Variants in CSMD1 observed in about 807,000 individuals in gnomAD.
CSMD1 encodes the protein CUB and Sushi multiple domains 1, also known as CUB and sushi domain-containing protein 1.
Under a neutral mutation model 417.5 loss-of-function variants are expected in CSMD1, and 213 were observed. That is an observed-to-expected ratio of 0.51 (90% CI 0.46 to 0.57). CSMD1 has a LOEUF of 0.57. CSMD1 is among the 20% of genes least tolerant of loss of function. CSMD1 has a pLI of 0.00. For synonymous variants in CSMD1, 2,862 were observed against 1,736.8 expected (o/e 1.65, Z -16.11); for missense variants, 6,923 against 4,529.7 (o/e 1.53, Z -15.17).
chr8:4,284,999 T>C (rs1472733205), intron 3 of CSMD1, among the ~76,000 whole-genome samples: 2 of 152,176 alleles, frequency 1.3e-5, no homozygotes, highest in Non-Finnish European at 2.9e-5. Context: ...GTTCCTTTAT[T>C]TGTAAAATGG....
At chr8:3,753,898 T>A in intron 6 of CSMD1, 32 bp downstream of exon 6, 1 of 1,463,948 alleles carries the variant, frequency 6.8e-7, no homozygotes, top group Non-Finnish European at 9.5e-7. Context: ...CGCTCTGTTT[T>A]TTTTTTTTCT....
At chr8:4,220,646 C>T (rs1800973894) in intron 3 of CSMD1, among the ~76,000 whole-genome samples, 1 of 152,212 alleles carries the variant, frequency 6.6e-6, no homozygotes, top group African/African-American at 2.4e-5. Flanking sequence ...GTGGAATCAA[C>T]ACAATTTGAA....
At chr8:4,710,579 C>G (rs1368585483) in intron 1 of CSMD1, among the ~76,000 whole-genome samples, 1 of 150,974 alleles carries the variant, frequency 6.6e-6, no homozygotes, top group East Asian at 1.9e-4. Context: ...GGTGCGGTGG[C>G]TCACGCTTGT....
At chr8:4,871,626 A>G (rs1802744686) in intron 1 of CSMD1, among the ~76,000 whole-genome samples, 1 of 152,158 alleles carries the variant, frequency 6.6e-6, no homozygotes, top group Admixed American at 6.5e-5. Flanking sequence ...AAGCCATAGC[A>G]GTAACCCAGA....
chr8:3,876,071 T>A (rs771572373), intron 5 of CSMD1, among the ~76,000 whole-genome samples: 1 of 152,234 alleles, frequency 6.6e-6, no homozygotes, highest in Non-Finnish European at 1.5e-5. Flanking sequence ...TTTTGAAATA[T>A]ACTTGTTGTC....
chr8:3,842,427 A>G (rs1269230797), intron 5 of CSMD1, among the ~76,000 whole-genome samples: 1 of 152,208 alleles, frequency 6.6e-6, no homozygotes, highest in Non-Finnish European at 1.5e-5. Flanking sequence ...TCTCAAGACT[A>G]TATTTTAAAC....
intron 33 of CSMD1, 29 bp from the exon 34 acceptor site, chr8:3,190,144 C>G: frequency 1.9e-6 from 3 of 1,542,346 alleles, no homozygotes; most frequent in Non-Finnish European, 8.8e-7. Flanking sequence ...ACACAGCCGT[C>G]TGTATCTCCA....
chr8:4,195,250 T>C (rs1585000552), intron 3 of CSMD1, among the ~76,000 whole-genome samples: 1 of 152,318 alleles, frequency 6.6e-6, no homozygotes, highest in East Asian at 1.9e-4. Flanking sequence ...AATTTGTTTT[T>C]TAAGAGACAG....
chr8:3,848,411 T>C (rs201615656), intron 5 of CSMD1, among the ~76,000 whole-genome samples: 1 of 152,232 alleles, frequency 6.6e-6, no homozygotes, highest in African/African-American at 2.4e-5. Context: ...TTGGTGTTTT[T>C]TAAAACACAA....
chr8:3,365,584 G>A (rs1185950607), intron 20 of CSMD1, among the ~76,000 whole-genome samples: 3 of 152,100 alleles, frequency 2.0e-5, no homozygotes, highest in African/African-American at 4.8e-5. Flanking sequence ...ACATGCAGAC[G>A]AACCATGTCA....
intron 8 of CSMD1, chr8:3,613,320 T>C: frequency 2.4e-6 from 1 of 423,264 alleles, no homozygotes; most frequent in South Asian, 1.7e-5. Context: ...CCCTGGTGAA[T>C]TATTCCAAAC....
intron 3 of CSMD1, among the ~76,000 whole-genome samples, chr8:4,102,379 G>T (rs750396625): frequency 6.6e-6 from 1 of 152,144 alleles, no homozygotes; most frequent in South Asian, 2.1e-4. Flanking sequence ...CTGGACATTG[G>T]TAACTTCGTA....
chr8:4,134,983 T>C (rs1041019936), intron 3 of CSMD1, among the ~76,000 whole-genome samples: 4 of 152,210 alleles, frequency 2.6e-5, no homozygotes, highest in African/African-American at 9.6e-5. Flanking sequence ...CAGCTTAGTG[T>C]CTGGGTTCTC....
At chr8:3,006,561 G>C (rs1807923078) in intron 52 of CSMD1, among the ~76,000 whole-genome samples, 1 of 151,864 alleles carries the variant, frequency 6.6e-6, no homozygotes, top group African/African-American at 2.4e-5. Context: ...CATGGTACTG[G>C]TACCAAAGCA....
At chr8:3,660,310 C>T (rs1458770039) in intron 7 of CSMD1, among the ~76,000 whole-genome samples, 1 of 152,034 alleles carries the variant, frequency 6.6e-6, no homozygotes, top group Non-Finnish European at 1.5e-5. Flanking sequence ...GGGATGGTAA[C>T]TGTGTCCACC....
At chr8:4,278,963 C>T (rs772778674) in intron 3 of CSMD1, among the ~76,000 whole-genome samples, 2 of 152,124 alleles carry the variant, frequency 1.3e-5, no homozygotes, top group South Asian at 2.1e-4. Flanking sequence ...ACATTATGTC[C>T]ATATATGAAA....
intron 26 of CSMD1, among the ~76,000 whole-genome samples, chr8:3,237,264 G>A (rs1399198659): frequency 1.3e-5 from 2 of 149,682 alleles, no homozygotes; most frequent in East Asian, 2.0e-4. Flanking sequence ...TCAGCAGTTC[G>A]AGACCAGTCT....
intron 24 of CSMD1, 124 bp downstream of exon 24, chr8:3,308,161 CAGACACGTGCAAATCTCAGAATACATA>C: frequency 3.1e-6 from 2 of 647,600 alleles, no homozygotes; most frequent in South Asian, 2.3e-5. Flanking sequence ...CACACACTCA[CAGACACGTGCAAATCTCAGAATACATA>C]AAACTCACAC....
At chr8:4,981,658 T>C (rs553658083) in intron 1 of CSMD1, among the ~76,000 whole-genome samples, 72 of 152,316 alleles carry the variant, frequency 4.7e-4, no homozygotes, top group African/African-American at 1.7e-3. Context: ...TTTATATTAC[T>C]TTTCTAGAAG....
Sources: gnomAD v4.1 joint callset for allele counts (sites outside exome capture counted in the v4.1 genomes callset) on GRCh38, gnomAD v4.1.1 for gene constraint, MANE v1.5 for transcripts, NCBI Gene and HGNC (gene_info 2026-07-23, HGNC 2026-07-21) for gene names.